AKR1B15: variants seen among roughly 807,000 people sequenced by gnomAD.
AKR1B15 encodes the protein aldo-keto reductase family 1 member B15, also known as estradiol 17-beta-dehydrogenase AKR1B15.
Under a neutral mutation model 38.5 loss-of-function variants are expected in AKR1B15, and 49 were observed. That is an observed-to-expected ratio of 1.27 (90% confidence interval 1.01 to 1.62). AKR1B15 has a LOEUF of 1.62. Among genes scored for constraint, AKR1B15 ranks in the 40% most tolerant of loss-of-function variants. The pLI is 0.00. For missense variants in AKR1B15, 411 were observed against 381.6 expected (o/e 1.08, Z -0.64); for synonymous variants, 137 against 135.5 (o/e 1.01, Z -0.08).
chr7:134,561,934 G>C (rs1475955790), intron 2 of AKR1B15, among the ~76,000 whole-genome samples: 1 of 152,162 alleles, frequency 6.6e-6, no homozygotes, highest in Non-Finnish European at 1.5e-5. Flanking sequence ...ATTTCACAGG[G>C]AAACCATCAC....
At chr7:134,559,848 G>A (rs1794329476) in intron 2 of AKR1B15, among the ~76,000 whole-genome samples, 1 of 152,126 alleles carries the variant, frequency 6.6e-6, no homozygotes, top group South Asian at 2.1e-4. Flanking sequence ...AGTGGCTCAC[G>A]CCTGTAATCC....
intron 5 of AKR1B15, among the ~76,000 whole-genome samples, chr7:134,570,743 G>C (rs192965768): frequency 1.5e-3 from 228 of 152,302 alleles, no homozygotes; most frequent in African/African-American, 5.3e-3. Flanking sequence ...GGGAATGGCA[G>C]GTGGTCAGGA....
rs529669029 is a variant in AKR1B15, at chr7:134,551,092, C to T, written c.-147+1843C>T. On this transcript the variant is annotated intron_variant, in intron 1 of 11. Coordinates refer to ENST00000457545, the MANE Select transcript of AKR1B15 (RefSeq NM_001080538.3). Reference sequence around the variant, plus strand: ...CTCACTTTTGCCTCCACCCTCAGCTCCCTCGATTCCTCCTGTACTGCCTCC... The same window carrying T: ...CTCACTTTTGCCTCCACCCTCAGCTTCCTCGATTCCTCCTGTACTGCCTCC... 8.5e-5 allele frequency among the ~76,000 whole-genome samples: 13 copies of T among 152,314 alleles called. No individual in the cohort carries two copies. The South Asian group carries it at 1.4e-3, about 17-fold the overall frequency.
Position 134,562,842 on chromosome 7 carries a change from C to CT in AKR1B15, c.-22-1753dup, listed in dbSNP as rs774096530. Among the ~76,000 whole-genome samples the CT allele has an allele frequency of 9.5e-3, 703 of 74,032 alleles. 6 individuals are homozygous for CT. The highest frequency in any genetic ancestry group is 0.047 in the African/African-American group (667 of 14,308). The allele number at this position is 74,032 out of a possible 152,430, so 48.6% of individuals were successfully genotyped here. ...TTCCTTCCTTCCTTTCTCTTTCTTT[C>CT]TTTCTTTCTTTCTTTCTTTCTTTCT... On this transcript the variant is annotated intron_variant, in intron 2 of 11. Transcript: ENST00000457545.
At chr7:134,552,356 T>G (rs1794015014) in intron 1 of AKR1B15, among the ~76,000 whole-genome samples, 1 of 152,140 alleles carries the variant, frequency 6.6e-6, no homozygotes, top group Admixed American at 6.5e-5. Context: ...AATCCTCTCC[T>G]ACTGGCTTTA....
chr7:134,576,297 C>T, intron 8 of AKR1B15, 52 bp from the exon 9 acceptor site: 2 of 1,570,776 alleles, frequency 1.3e-6, no homozygotes, highest in Non-Finnish European at 8.7e-7. Flanking sequence ...TGGTGTCCTT[C>T]TGTACACGGT....
rs1327923639 is a variant in AKR1B15 at position 134,577,750 on chromosome 7, G to C, written c.956G>C (p.Ser319Thr). The change falls in exon 11 of 12, where the codon AGC becomes ACC. Residue 319 changes from serine (S) to threonine (T), a missense_variant. This residue lies in a region of AKR1B15 where 133 missense variants were observed against 120.3 expected (regional missense o/e 1.11). Transcript: ENST00000457545. ...LSDEEMATIL[S>T]FNRNWRAFDF... ...GATGAGGAGATGGCAACCATACTCA[G>C]CTTCAACAGAAACTGGAGGGCCTTT... The C allele has an allele frequency of 1.2e-6, 2 of 1,613,880 alleles. No individual in the cohort carries two copies. The highest frequency in any genetic ancestry group is 4.5e-5 in the East Asian group (2 of 44,828).
intron 5 of AKR1B15, among the ~76,000 whole-genome samples, chr7:134,571,174 GCCTGCCAT>G (rs927542291): frequency 1.3e-5 from 2 of 152,286 alleles, no homozygotes; most frequent in African/African-American, 2.4e-5. Context: ...AGTGATGATG[GCCTGCCAT>G]CCCGAATTCC....
intron 3 of AKR1B15, among the ~76,000 whole-genome samples, chr7:134,566,106 C>A (rs1001802581): frequency 1.3e-5 from 2 of 152,118 alleles, no homozygotes; most frequent in Non-Finnish European, 2.9e-5. Flanking sequence ...CCAGACTGGG[C>A]AACATAGCAA....
intron 2 of AKR1B15, among the ~76,000 whole-genome samples, chr7:134,563,067 T>A (rs1196786136): frequency 1.3e-5 from 2 of 151,988 alleles, no homozygotes; most frequent in East Asian, 3.9e-4. Context: ...CTTTGGGCTG[T>A]GTTGAATTTG....
At chr7:134,556,024 A>C (rs1194552191) in intron 1 of AKR1B15, among the ~76,000 whole-genome samples, 3 of 152,162 alleles carry the variant, frequency 2.0e-5, no homozygotes, top group African/African-American at 7.2e-5. Context: ...AACTCTCCGT[A>C]ACCCTAGTTT....
At chr7:134,560,544 A>G (rs920211230) in intron 2 of AKR1B15, among the ~76,000 whole-genome samples, 39 of 152,214 alleles carry the variant, frequency 2.6e-4, no homozygotes, top group African/African-American at 9.4e-4. Flanking sequence ...CTTAATCTCA[A>G]TTATCTAAAA....
intron 2 of AKR1B15, among the ~76,000 whole-genome samples, chr7:134,562,867 TTTCTTTCTTTCTTTCTTTCTTTCC>T (rs1191203040): frequency 7.0e-6 from 1 of 142,834 alleles, no homozygotes; most frequent in Non-Finnish European, 1.5e-5. Flanking sequence ...TCTTTCTTTC[TTTCTTTCTTTCTTTCTTTCTTTCC>T]TTCTTTCTTC....
At chr7:134,566,357 A>G (rs1315391800) in intron 3 of AKR1B15, among the ~76,000 whole-genome samples, 2 of 152,188 alleles carry the variant, frequency 1.3e-5, no homozygotes, top group African/African-American at 4.8e-5. Context: ...CCTAACGGGC[A>G]TCTGCACTTT....
chr7:134,574,721 G>A (rs1794726774), intron 6 of AKR1B15, among the ~76,000 whole-genome samples: 1 of 152,218 alleles, frequency 6.6e-6, no homozygotes, highest in Admixed American at 6.5e-5. Context: ...TTTGGAAAAT[G>A]CCCAATAAAG....
intron 11 of AKR1B15, among the ~76,000 whole-genome samples, chr7:134,578,474 G>A (rs1340911059): frequency 6.6e-6 from 1 of 152,194 alleles, no homozygotes; most frequent in Non-Finnish European, 1.5e-5. Context: ...CTTAAAGGAG[G>A]TGGTGCTAAC....
chr7:134,577,801 G>A lies in AKR1B15; in HGVS notation c.992+15G>A. 1 of 1,613,230 alleles carries A rather than the reference G, an allele frequency of 6.2e-7. No homozygotes were observed. Among genetic ancestry groups the A allele is most frequent in the Non-Finnish European group, 8.5e-7 (1 of 1,179,606 alleles). ...GACTTCAAGGAGTAAGTGGCATGGAGTTAACTAGAAGAATTGCCAGGAGTT... is the reference window on the plus strand; with the variant it reads ...GACTTCAAGGAGTAAGTGGCATGGAATTAACTAGAAGAATTGCCAGGAGTT... On this transcript the variant is annotated intron_variant, in intron 11 of 11. Transcript: ENST00000457545.
chr7:134,554,719 C>T (rs1585782016), intron 1 of AKR1B15, among the ~76,000 whole-genome samples: 2 of 152,296 alleles, frequency 1.3e-5, no homozygotes, highest in East Asian at 3.9e-4. Flanking sequence ...TGCTAGTAGA[C>T]ACCTTTTCTG....
chr7:134,554,310 C>T (rs1794112197), intron 1 of AKR1B15, among the ~76,000 whole-genome samples: 1 of 152,148 alleles, frequency 6.6e-6, no homozygotes, highest in Non-Finnish European at 1.5e-5. Context: ...CTTTCCACAA[C>T]TGACTGGGCA....
Sources: allele counts gnomAD v4.1 joint callset (sites outside exome capture counted in the v4.1 genomes callset), GRCh38; gene constraint gnomAD v4.1.1; regional missense constraint gnomAD v4.1.1; transcripts MANE v1.5; gene names NCBI Gene and HGNC (gene_info 2026-07-23, HGNC 2026-07-21).